ARHGAP39: variants seen among roughly 807,000 people sequenced by gnomAD.
ARHGAP39 encodes the protein Rho GTPase activating protein 39.
A neutral mutation model predicts 106.9 loss-of-function variants in ARHGAP39; 44 were observed. The ratio of observed to expected loss-of-function variants is 0.41; its 90% CI spans 0.32 to 0.53. ARHGAP39 has a LOEUF of 0.53. Among genes scored for constraint, ARHGAP39 ranks in the 20% least tolerant of loss-of-function variants. The pLI, the probability that ARHGAP39 is intolerant of heterozygous loss-of-function variation, is 0.21. For missense variants in ARHGAP39, 1,496 were observed against 1,577.3 expected, an observed-to-expected ratio of 0.95 and a Z score of 0.87; for synonymous variants, 768 against 693.2, an observed-to-expected ratio of 1.11 and a Z score of -1.69.
intron 1 of ARHGAP39, among the ~76,000 whole-genome samples, chr8:144,656,268 G>C (rs1009026020): frequency 6.6e-6 from 1 of 150,402 alleles, no homozygotes; most frequent in African/African-American, 2.4e-5. Flanking sequence ...TGAGGTAGGA[G>C]AATCGCTTGA....
At chr8:144,665,402 T>G (rs183780828) in intron 1 of ARHGAP39, among the ~76,000 whole-genome samples, 1 of 152,318 alleles carries the variant, frequency 6.6e-6, no homozygotes, top group East Asian at 1.9e-4. Context: ...TTTGCATAAG[T>G]AGCAAGGAGC....
chr8:144,678,260 A>ACT (rs1254900200), intron 1 of ARHGAP39, among the ~76,000 whole-genome samples: 2 of 148,264 alleles, frequency 1.3e-5, no homozygotes, highest in Admixed American at 1.4e-4. Context: ...ACCCACCCTG[A>ACT]CTCTCTCTCT....
At position 144,591,514 on chromosome 8, in the gene ARHGAP39, A is replaced by G. The variant is rs539122588; in HGVS notation, c.81-10237T>C. On this transcript the variant is annotated intron_variant, in intron 2 of 11. Coordinates refer to ENST00000377307, the MANE Select transcript of ARHGAP39 (RefSeq NM_025251.3). This position sits in a 1 kb window ranked among gnomAD's most constrained non-coding sequence, Gnocchi z 5.3. Reference sequence around the variant, plus strand: ...GGACTTGTTTGCATCCCCTTCCACCATGATTGTTCCCTGGGCGCCCCAGCC... The same window carrying G: ...GGACTTGTTTGCATCCCCTTCCACCGTGATTGTTCCCTGGGCGCCCCAGCC... Among the ~76,000 whole-genome samples the G allele has an allele frequency of 3.6e-4, 55 of 152,208 alleles. No homozygotes were observed. Among genetic ancestry groups the G allele is most frequent in the African/African-American group, 1.3e-3 (54 of 41,524 alleles).
In ARHGAP39 at chr8:144,581,288, A is replaced by G. The variant is rs1352439716; in HGVS notation, c.81-11T>C. The stretch of plus-strand genomic sequence containing the variant: ...TCCACCCACTCCAACCTGGGGAGAG[A>G]CAGGGTTAAGGCGGCTGGAGCCACG... On this transcript the variant is annotated splice_polypyrimidine_tract_variant and intron_variant, in intron 2 of 11. Transcript: ENST00000377307. 6.5e-7 allele frequency: 1 copy of G among 1,537,214 alleles called. No individual in the cohort carries two copies. Among genetic ancestry groups the G allele is most frequent in the South Asian group, 1.2e-5 (1 of 82,528 alleles).
At chr8:144,680,815 G>A (rs1185219936) in intron 1 of ARHGAP39, among the ~76,000 whole-genome samples, 1 of 152,030 alleles carries the variant, frequency 6.6e-6, no homozygotes, top group Non-Finnish European at 1.5e-5. Context: ...CACAATACAC[G>A]AACTATGTCA....
At chr8:144,577,437 T>C (rs1002588702) in intron 3 of ARHGAP39, among the ~76,000 whole-genome samples, 7 of 152,222 alleles carry the variant, frequency 4.6e-5, no homozygotes, top group African/African-American at 1.4e-4. Flanking sequence ...ACTTGCTCAA[T>C]AGAAAAGACT....
At chr8:144,621,519 G>A (rs1007914390) in intron 1 of ARHGAP39, among the ~76,000 whole-genome samples, 3 of 152,246 alleles carry the variant, frequency 2.0e-5, no homozygotes, top group African/African-American at 4.8e-5. Flanking sequence ...GGCCTGGCAG[G>A]TGGGAGGAAG....
In ARHGAP39 at chr8:144,548,597, C is replaced by T; in HGVS notation, c.597-108G>A. On this transcript the variant is annotated intron_variant, in intron 4 of 11. Coordinates refer to ENST00000377307, the MANE Select transcript of ARHGAP39 (RefSeq NM_025251.3). The surrounding 1 kb of genome is among the most constrained non-coding windows in gnomAD (Gnocchi z 7.4). ...CGGCTCCCGCGAACCCTCTGTTGTA[C>T]ACCTTCCTCGCTGGGGCCCTGTGGC... The T allele has an allele frequency of 2.1e-6, 3 of 1,401,966 alleles. No homozygotes were observed. The highest frequency in any genetic ancestry group is 2.9e-5 in the South Asian group (2 of 69,606). 86.8% of individuals were successfully genotyped at this position (1,401,966 alleles called of 1,614,324 possible).
chr8:144,543,711 G>A (rs1163605674), intron 6 of ARHGAP39, among the ~76,000 whole-genome samples: 1 of 152,260 alleles, frequency 6.6e-6, no homozygotes, highest in Non-Finnish European at 1.5e-5. Flanking sequence ...ACGAGCCTAA[G>A]TGTGAAGGGC....
At chr8:144,544,716 C>T (rs1202172573) in intron 6 of ARHGAP39, among the ~76,000 whole-genome samples, 3 of 152,224 alleles carry the variant, frequency 2.0e-5, no homozygotes, top group African/African-American at 4.8e-5. Context: ...CTCCGACGTG[C>T]GACCCCATGG....
In ARHGAP39 at chr8:144,647,537, C is replaced by G. The variant is rs1292226691; in HGVS notation, c.-82+38149G>C. Among the ~76,000 whole-genome samples the G allele has an allele frequency of 6.6e-6, 1 of 152,254 alleles. No individual in the cohort carries two copies. The highest frequency in any genetic ancestry group is 2.4e-5 in the African/African-American group (1 of 41,462). On this transcript the variant is annotated intron_variant, in intron 1 of 11. Transcript: ENST00000377307. This position sits in a 1 kb window ranked among gnomAD's most constrained non-coding sequence, Gnocchi z 4.8. ...CCTGCTGCCCACACTGCCCTGTGCA[C>G]TGCTGTCAGCCACGCCTGAACAGAG...
intron 1 of ARHGAP39, among the ~76,000 whole-genome samples, chr8:144,610,296 T>C (rs1460440132): frequency 6.6e-6 from 1 of 152,232 alleles, no homozygotes; most frequent in Non-Finnish European, 1.5e-5. Flanking sequence ...TCTATTTTTC[T>C]GTTTTCATTA....
At chr8:144,691,292 G>A in the ARHGAP39 span, among the ~76,000 whole-genome samples, 6 of 152,234 alleles carry the variant, frequency 3.9e-5, no homozygotes, top group East Asian at 7.7e-4. Flanking sequence ...GGGCCTGGTG[G>A]ATCATCCATG....
intron 1 of ARHGAP39, among the ~76,000 whole-genome samples, chr8:144,655,477 G>A (rs1821671702): frequency 6.6e-6 from 1 of 151,908 alleles, no homozygotes; most frequent in Admixed American, 6.5e-5. Flanking sequence ...ATGTTGGGAT[G>A]GCCAGCTGCA....
chr8:144,670,284 G>A lies in ARHGAP39; in HGVS notation c.-82+15402C>T, dbSNP rs983764349. ...GTAAAAAGCAACAGAGCTCGGACGC[G>A]TGCTAGAGTGTACCGGGAAGCAGGA... On this transcript the variant is annotated intron_variant, in intron 1 of 11. Coordinates refer to ENST00000377307, the MANE Select transcript of ARHGAP39 (RefSeq NM_025251.3). This position sits in a 1 kb window ranked among gnomAD's most constrained non-coding sequence, Gnocchi z 4.4. 9.9e-5 allele frequency among the ~76,000 whole-genome samples: 15 copies of A among 151,254 alleles called. No individual in the cohort carries two copies. The highest frequency in any genetic ancestry group is 3.6e-4 in the African/African-American group (15 of 41,106).
intron 1 of ARHGAP39, among the ~76,000 whole-genome samples, chr8:144,621,179 G>A (rs1362460171): frequency 6.6e-6 from 1 of 152,284 alleles, no homozygotes; most frequent in Non-Finnish European, 1.5e-5. Flanking sequence ...CCTTCAGCCT[G>A]GACTCTGCAG....
chr8:144,620,991 C>A (rs1820793658), intron 1 of ARHGAP39, among the ~76,000 whole-genome samples: 1 of 152,276 alleles, frequency 6.6e-6, no homozygotes, highest in African/African-American at 2.4e-5. Flanking sequence ...TGTCACCAGC[C>A]TGTGAAGGCC....
At position 144,671,138 on chromosome 8, in the gene ARHGAP39, C is replaced by T. The variant is rs993028229; in HGVS notation, c.-82+14548G>A. 2.6e-5 allele frequency among the ~76,000 whole-genome samples: 4 copies of T among 152,222 alleles called. No individual in the cohort carries two copies. Among genetic ancestry groups the T allele is most frequent in the Non-Finnish European group, 5.9e-5 (4 of 68,052 alleles). On this transcript the variant is annotated intron_variant, in intron 1 of 11. Coordinates refer to ENST00000377307, the MANE Select transcript of ARHGAP39 (RefSeq NM_025251.3). The surrounding 1 kb of genome is among the most constrained non-coding windows in gnomAD (Gnocchi z 4.5). ...GTTTGTAAATCCTAATGTCAGTTCT[C>T]TCTGTGGAATGAGGCCTATGTTGGG... is the stretch of plus-strand genomic sequence containing the variant.
chr8:144,663,470 T>C (rs1419235967), intron 1 of ARHGAP39, among the ~76,000 whole-genome samples: 1 of 152,082 alleles, frequency 6.6e-6, no homozygotes, highest in Admixed American at 6.5e-5. Flanking sequence ...AAGCCACTCA[T>C]GAGGGAGCCA....
Sources: allele counts gnomAD v4.1 joint callset (sites outside exome capture counted in the v4.1 genomes callset), GRCh38; gene constraint gnomAD v4.1.1; non-coding constraint Gnocchi (gnomAD v3.1); transcripts MANE v1.5; gene names NCBI Gene and HGNC (gene_info 2026-07-23, HGNC 2026-07-21).